FSTL5: variants seen among roughly 807,000 people sequenced by gnomAD.
FSTL5 encodes the protein follistatin like 5, also known as follistatin-related protein 5.
A neutral mutation model predicts 89.1 loss-of-function variants in FSTL5; 62 were observed. That is an observed-to-expected ratio of 0.70 (90% confidence interval 0.57 to 0.86). FSTL5 has a LOEUF of 0.86. Ranked by LOEUF, FSTL5 falls within the 40% of genes least tolerant of loss-of-function variation. The probability of loss-of-function intolerance (pLI) is 0.00; values close to 1 mark genes in which losing one functional copy is unlikely to be tolerated. For missense variants in FSTL5, 1,057 were observed against 1,001.6 expected (o/e 1.06, Z -0.75); for synonymous variants, 383 against 346.2 (o/e 1.11, Z -1.18).
intron 3 of FSTL5, among the ~76,000 whole-genome samples, chr4:162,026,038 A>T (rs1410843757): frequency 2.6e-5 from 4 of 151,568 alleles, no homozygotes; most frequent in Non-Finnish European, 5.9e-5. Context: ...TAGTGTCTGG[A>T]CAGACAAAGC....
chr4:161,971,044 A>G (rs886747533), intron 3 of FSTL5, among the ~76,000 whole-genome samples: 1 of 132,830 alleles, frequency 7.5e-6, no homozygotes, highest in Non-Finnish European at 1.8e-5. Flanking sequence ...TTATTTTATT[A>G]GGAAACAATA....
At position 161,872,147 on chromosome 4, in the gene FSTL5, T is replaced by G. The variant is rs1373826841; in HGVS notation, c.409+48257A>C. On this transcript the variant is annotated intron_variant, in intron 4 of 15. Transcript: ENST00000306100. Reference sequence around the variant, plus strand: ...TAGTTTGTTTTTTTTTTTGGTTTTTTTTTTTTTTTTTGTAGAGACAAGGAT... The same window carrying G: ...TAGTTTGTTTTTTTTTTTGGTTTTTGTTTTTTTTTTTGTAGAGACAAGGAT... Among the ~76,000 whole-genome samples the G allele has an allele frequency of 8.7e-4, 118 of 134,926 alleles. 1 individual carries two copies. The highest frequency in any genetic ancestry group is 2.8e-3 in the African/African-American group (104 of 37,452). 88.5% of individuals were successfully genotyped at this position (134,926 alleles called of 152,430 possible).
At chr4:161,470,706 T>C (rs944461891) in intron 13 of FSTL5, among the ~76,000 whole-genome samples, 1 of 152,190 alleles carries the variant, frequency 6.6e-6, no homozygotes, top group African/African-American at 2.4e-5. Context: ...TTAACAATAT[T>C]GAGTCTTTCA....
intron 3 of FSTL5, among the ~76,000 whole-genome samples, chr4:161,946,082 T>C (rs533169483): frequency 1.6e-4 from 24 of 152,344 alleles, no homozygotes; most frequent in African/African-American, 5.8e-4. Context: ...CTATGATTTC[T>C]TTATTGACTC....
intron 4 of FSTL5, among the ~76,000 whole-genome samples, chr4:161,836,213 C>G (rs1200987485): frequency 6.8e-6 from 1 of 146,750 alleles, no homozygotes; most frequent in Non-Finnish European, 1.5e-5. Context: ...AACAAAAAAA[C>G]AACCACTGCA....
intron 3 of FSTL5, among the ~76,000 whole-genome samples, chr4:161,951,572 G>T (rs1734896433): frequency 6.6e-6 from 1 of 152,054 alleles, no homozygotes; most frequent in Non-Finnish European, 1.5e-5. Flanking sequence ...AGAAGCAGAA[G>T]TATGTAATGC....
At chr4:161,467,116 A>G (rs1733773075) in intron 13 of FSTL5, among the ~76,000 whole-genome samples, 1 of 152,080 alleles carries the variant, frequency 6.6e-6, no homozygotes, top group African/African-American at 2.4e-5. Flanking sequence ...AATAACTGTA[A>G]CATTATTTTC....
intron 4 of FSTL5, among the ~76,000 whole-genome samples, chr4:161,801,420 G>A (rs1227285819): frequency 2.0e-5 from 3 of 151,306 alleles, no homozygotes; most frequent in African/African-American, 4.8e-5. Flanking sequence ...GCCTTCATGT[G>A]GTCTGGGATT....
At chr4:161,994,005 C>T in intron 3 of FSTL5, among the ~76,000 whole-genome samples, 1 of 152,074 alleles carries the variant, frequency 6.6e-6, no homozygotes, top group East Asian at 1.9e-4. Flanking sequence ...GGTATTAAGC[C>T]TAGTACCTAA....
At chr4:161,700,971 G>T (rs1402883800) in intron 6 of FSTL5, among the ~76,000 whole-genome samples, 8 of 152,088 alleles carry the variant, frequency 5.3e-5, no homozygotes, top group Non-Finnish European at 1.2e-4. Context: ...TCCAAAAAAT[G>T]ATGCTAAAAT....
At chr4:161,421,929 G>T (rs1732004094) in intron 15 of FSTL5, among the ~76,000 whole-genome samples, 1 of 152,114 alleles carries the variant, frequency 6.6e-6, no homozygotes, top group South Asian at 2.1e-4. Context: ...TCTCCAGCTT[G>T]CAGACAGCAG....
chr4:161,622,462 C>A (rs1255853832), intron 7 of FSTL5, among the ~76,000 whole-genome samples: 2 of 151,850 alleles, frequency 1.3e-5, no homozygotes, highest in Non-Finnish European at 2.9e-5. Flanking sequence ...GAATAACTCT[C>A]CTGAATACAG....
intron 4 of FSTL5, among the ~76,000 whole-genome samples, chr4:161,805,551 C>T (rs1579105341): frequency 6.6e-6 from 1 of 152,076 alleles, no homozygotes; most frequent in Admixed American, 6.6e-5. Context: ...CAGATTCCTT[C>T]CTCAGACAAT....
At chr4:161,949,428 T>C (rs974079328) in intron 3 of FSTL5, among the ~76,000 whole-genome samples, 4 of 152,124 alleles carry the variant, frequency 2.6e-5, no homozygotes, top group African/African-American at 7.2e-5. Flanking sequence ...TTAGTTTTAC[T>C]TTAACATACC....
At chr4:162,040,566 A>G (rs1228752745) in intron 2 of FSTL5, among the ~76,000 whole-genome samples, 1 of 151,956 alleles carries the variant, frequency 6.6e-6, no homozygotes, top group Non-Finnish European at 1.5e-5. Context: ...ATAGAAAAAA[A>G]TGCCTGAAAA....
At chr4:161,860,600 G>A (rs1481783525) in intron 4 of FSTL5, among the ~76,000 whole-genome samples, 1 of 152,122 alleles carries the variant, frequency 6.6e-6, no homozygotes, top group African/African-American at 2.4e-5. Context: ...TATAGACACT[G>A]GAGCTCTACA....
intron 6 of FSTL5, among the ~76,000 whole-genome samples, chr4:161,682,708 C>G (rs181044956): frequency 6.6e-6 from 1 of 152,000 alleles, no homozygotes; most frequent in Non-Finnish European, 1.5e-5. Context: ...CTTCTTCGAC[C>G]TGAAAGACCT....
At chr4:162,075,724 T>C (rs1465715629) in intron 2 of FSTL5, among the ~76,000 whole-genome samples, 2 of 151,890 alleles carry the variant, frequency 1.3e-5, no homozygotes, top group African/African-American at 4.8e-5. Context: ...TTTGAGATAA[T>C]GTCCCATCAT....
At chr4:161,761,642 GCT>G (rs2126791309) in intron 5 of FSTL5, among the ~76,000 whole-genome samples, 1 of 152,206 alleles carries the variant, frequency 6.6e-6, no homozygotes, top group East Asian at 1.9e-4. Flanking sequence ...CTTATCACTG[GCT>G]CTTGCATAAG....
Sources: gnomAD v4.1 joint callset for allele counts (sites outside exome capture counted in the v4.1 genomes callset) on GRCh38, gnomAD v4.1.1 for gene constraint, MANE v1.5 for transcripts, NCBI Gene and HGNC (gene_info 2026-07-23, HGNC 2026-07-21) for gene names.